Variants in CNOT7 observed in about 807,000 individuals in gnomAD.
CNOT7 encodes BTG1-binding factor 1.
Under a neutral mutation model 37.1 loss-of-function variants are expected in CNOT7, and 4 were observed. The ratio of observed to expected loss-of-function variants is 0.11; its 90% CI spans 0.05 to 0.25. The LOEUF is 0.25. Among genes scored for constraint, CNOT7 ranks in the 10% least tolerant of loss-of-function variants. CNOT7 has a pLI of 1.00. For missense variants in CNOT7, 170 were observed against 336.2 expected, an observed-to-expected ratio of 0.51 and a Z score of 3.87; for synonymous variants, 128 against 115.6, an observed-to-expected ratio of 1.11 and a Z score of -0.69.
chr8:17,232,317 A>C (rs1808745824), intron 6 of CNOT7, 110 bp downstream of exon 6: 3 of 1,578,316 alleles, frequency 1.9e-6, no homozygotes, highest in Non-Finnish European at 2.6e-6. Flanking sequence ...TGGTATCTCT[A>C]ATTATATCTT....
intron 2 of CNOT7, 128 bp downstream of exon 2, chr8:17,244,908 G>A (rs1810689552): frequency 1.3e-6 from 1 of 787,900 alleles, no homozygotes; most frequent in East Asian, 2.6e-5. Context: ...GGAGGGCAGT[G>A]ACAAATTTTA....
intron 2 of CNOT7, 28 bp downstream of exon 2, chr8:17,245,008 C>G (rs765021645): frequency 6.6e-7 from 1 of 1,525,690 alleles, no homozygotes; most frequent in African/African-American, 1.4e-5. Context: ...TTATATGAAG[C>G]GTTTTAAAGA....
chr8:17,236,998 T>C (rs778766386), intron 4 of CNOT7, among the ~76,000 whole-genome samples: 22 of 152,208 alleles, frequency 1.4e-4, no homozygotes, highest in Non-Finnish European at 2.2e-4. Flanking sequence ...GTTTCCACTA[T>C]GCAACATGCT....
intron 6 of CNOT7, among the ~76,000 whole-genome samples, chr8:17,231,210 C>A (rs1175386403): frequency 6.6e-6 from 1 of 152,030 alleles, no homozygotes; most frequent in Non-Finnish European, 1.5e-5. Flanking sequence ...GGTTCATAAA[C>A]TGTCTTAAAT....
chr8:17,237,588 A>T (rs766673182), intron 3 of CNOT7: 245 of 492,214 alleles, frequency 5.0e-4, no homozygotes, highest in Admixed American at 5.3e-4. Flanking sequence ...TCATTCAGAG[A>T]GTCCAAAGGT....
intron 1 of CNOT7, chr8:17,246,392 A>G (rs921517238): frequency 6.6e-6 from 1 of 152,666 alleles, no homozygotes; most frequent in East Asian, 1.9e-4. Context: ...CGCGTGAAAC[A>G]ATACGAAGAG....
intron 4 of CNOT7, among the ~76,000 whole-genome samples, chr8:17,235,311 T>C (rs1809202664): frequency 6.6e-6 from 1 of 152,206 alleles, no homozygotes; most frequent in Admixed American, 6.5e-5. Context: ...GTAATGCAAG[T>C]CATCCCACTT....
At chr8:17,239,899 T>C (rs1052955927) in intron 3 of CNOT7, among the ~76,000 whole-genome samples, 13 of 152,226 alleles carry the variant, frequency 8.5e-5, no homozygotes, top group Non-Finnish European at 1.8e-4. Flanking sequence ...CACTTCAATT[T>C]TCATGGATGT....
In CNOT7 at chr8:17,229,539, TCA is replaced by T. The variant is rs1166686981; in HGVS notation, c.*1179_*1180del. ...CACATATTCTGCATGGCTAAGTATT[TCA>T]CAGTCTCTTTTGTCAATATATATAA... On this transcript the variant is annotated 3_prime_UTR_variant, in exon 7 of 7. Coordinates refer to ENST00000361272, the MANE Select transcript of CNOT7 (RefSeq NM_013354.7). 6 of 152,124 alleles carry T rather than the reference TCA, an allele frequency of 3.9e-5. No homozygotes were observed. The East Asian group carries it at 1.2e-3, about 29-fold the overall frequency. 9.4% of individuals were successfully genotyped at this position (152,124 alleles called of 1,614,324 possible).
chr8:17,232,944 T>A (rs1384881290), intron 5 of CNOT7, among the ~76,000 whole-genome samples: 1 of 152,208 alleles, frequency 6.6e-6, no homozygotes, highest in East Asian at 1.9e-4. Context: ...CTTCCCACCA[T>A]CCATTTGTAG....
chr8:17,230,983 G>C lies in CNOT7; in HGVS notation c.730-135C>G, dbSNP rs924007986. On this transcript the variant is annotated intron_variant, in intron 6 of 6. Transcript: ENST00000361272. The stretch of plus-strand genomic sequence containing the variant: ...GCTCTTTTCTATGGTGTTCCTTTGA[G>C]GCTACGCATTTCAGTTCAATGAGTA... 2.0e-5 allele frequency: 12 copies of C among 599,606 alleles called. No homozygotes were observed. In the Middle Eastern group the frequency reaches 8.2e-4, roughly 41 times the overall value. The allele number at this position is 599,606 out of a possible 1,614,324, so 37.1% of individuals were successfully genotyped here. A position where few individuals can be genotyped will look rare whatever the true frequency, so the allele number is the denominator to read the frequency against.
chr8:17,244,709 C>T, intron 2 of CNOT7: 1 of 211,616 alleles, frequency 4.7e-6, no homozygotes, highest in Non-Finnish European at 9.4e-6. Context: ...TTCCCGAACA[C>T]ATCCAATCCA....
chr8:17,236,144 G>A (rs1005842297), intron 4 of CNOT7, among the ~76,000 whole-genome samples: 8 of 152,180 alleles, frequency 5.3e-5, no homozygotes, highest in African/African-American at 1.9e-4. Context: ...AGTGTGTTCA[G>A]TACCTACAAC....
intron 3 of CNOT7, among the ~76,000 whole-genome samples, chr8:17,240,300 G>C (rs538639853): frequency 1.3e-5 from 2 of 152,078 alleles, no homozygotes; most frequent in Admixed American, 6.5e-5. Context: ...GCCCGGCATG[G>C]CTGTGAATGT....
At chr8:17,244,428 G>C (rs1397299104) in intron 2 of CNOT7, 1 of 152,176 alleles carries the variant, frequency 6.6e-6, no homozygotes, top group African/African-American at 2.4e-5. Context: ...CTACCAGCTA[G>C]GCTTTGGTGT....
At position 17,245,019 on chromosome 8, in the gene CNOT7, T is replaced by C. The variant is rs1563214410; in HGVS notation, c.117+17A>G. On this transcript the variant is annotated intron_variant, in intron 2 of 6. Coordinates refer to ENST00000361272, the MANE Select transcript of CNOT7 (RefSeq NM_013354.7). ...TCCTTTATATGAAGCGTTTTAAAGA[T>C]CTGCTTGTGGGCATACCATAGCAAC... The C allele has an allele frequency of 2.5e-6, 4 of 1,589,200 alleles. No individual in the cohort carries two copies. In the South Asian group the frequency reaches 3.4e-5, roughly 13 times the overall value.
At chr8:17,236,154 C>G (rs1256308844) in intron 4 of CNOT7, among the ~76,000 whole-genome samples, 1 of 152,190 alleles carries the variant, frequency 6.6e-6, no homozygotes, top group Non-Finnish European at 1.5e-5. Flanking sequence ...GTACCTACAA[C>G]TCAACCATTT....
At chr8:17,231,961 TG>T in intron 6 of CNOT7, 4 of 988,880 alleles carry the variant, frequency 4.0e-6, no homozygotes, top group Non-Finnish European at 4.8e-6. Flanking sequence ...TTCAAAGCAC[TG>T]AAGAATGACA....
At chr8:17,241,145 T>A (rs1475849112) in intron 3 of CNOT7, 1 of 152,348 alleles carries the variant, frequency 6.6e-6, no homozygotes. Context: ...TAGATCACTA[T>A]AGCCTTGAAC....
Sources: gnomAD v4.1 joint callset for allele counts (sites outside exome capture counted in the v4.1 genomes callset) on GRCh38, gnomAD v4.1.1 for gene constraint, MANE v1.5 for transcripts, NCBI Gene and HGNC (gene_info 2026-07-23, HGNC 2026-07-21) for gene names.